The following GPALPP1 variants were observed in gnomAD, a reference collection of about 807,000 sequenced individuals.
GPALPP1 encodes the protein GPALPP motifs containing 1, also known as GPALPP motifs-containing protein 1.
In GPALPP1, 30 loss-of-function variants were observed where a neutral mutation model predicts 38.9. That is an observed-to-expected ratio of 0.77 (90% CI 0.58 to 1.05). GPALPP1 has a LOEUF of 1.05. Ranked by LOEUF, GPALPP1 falls within the 50% of genes least tolerant of loss-of-function variation. GPALPP1 has a pLI of 0.00. For missense variants in GPALPP1, 384 were observed against 408.8 expected (o/e 0.94, Z 0.52); for synonymous variants, 120 against 139.2 (o/e 0.86, Z 0.97).
chr13:45,019,749 T>G (rs1875260528), intron 6 of GPALPP1, among the ~76,000 whole-genome samples: 1 of 151,880 alleles, frequency 6.6e-6, no homozygotes, highest in Non-Finnish European at 1.5e-5. Context: ...ATCTCACCAC[T>G]GTTAAGTCAA....
intron 4 of GPALPP1, among the ~76,000 whole-genome samples, chr13:45,012,893 A>G (rs932436536): frequency 1.3e-5 from 2 of 152,186 alleles, no homozygotes; most frequent in African/African-American, 4.8e-5. Context: ...ACATTTCTTG[A>G]GCACTTACCA....
At chr13:45,022,565 C>G (rs1875506909) in intron 7 of GPALPP1, among the ~76,000 whole-genome samples, 1 of 152,068 alleles carries the variant, frequency 6.6e-6, no homozygotes, top group Non-Finnish European at 1.5e-5. Context: ...AGCTGAAATT[C>G]CAGATACTTT....
At chr13:45,007,208 G>A (rs1874163137) in intron 3 of GPALPP1, among the ~76,000 whole-genome samples, 1 of 151,752 alleles carries the variant, frequency 6.6e-6, no homozygotes, top group Non-Finnish European at 1.5e-5. Flanking sequence ...TTACTATCTA[G>A]CCCTTTATAG....
Position 45,028,312 on chromosome 13 carries a change from T to C in GPALPP1, c.*309T>C, listed in dbSNP as rs138131887. 1.8e-5 allele frequency: 3 copies of C among 164,138 alleles called. No individual in the cohort carries two copies. Among genetic ancestry groups the C allele is most frequent in the East Asian group, 3.5e-4 (2 of 5,784 alleles). The allele number at this position is 164,138 out of a possible 1,614,324, so 10.2% of individuals were successfully genotyped here. A position where few individuals can be genotyped will look rare whatever the true frequency, so the allele number is the denominator to read the frequency against. ...TACTTGAGTAAATATGCATGCTTTA[T>C]TAAAGATGAAGAAAGGCTTGCTGGT... On this transcript the variant is annotated 3_prime_UTR_variant, in exon 8 of 8. Coordinates refer to ENST00000379151, the MANE Select transcript of GPALPP1 (RefSeq NM_018559.5).
intron 7 of GPALPP1, among the ~76,000 whole-genome samples, chr13:45,022,826 A>G (rs569145783): frequency 6.6e-6 from 1 of 152,298 alleles, no homozygotes; most frequent in Non-Finnish European, 1.5e-5. Context: ...TCTGAGGCCA[A>G]GAGATAGAGA....
Position 45,029,551 on chromosome 13 carries a change from G to C in GPALPP1, c.*1548G>C, listed in dbSNP as rs1876084968. 6.6e-6 allele frequency: 1 copy of C among 152,100 alleles called. No individual in the cohort carries two copies. The highest frequency in any genetic ancestry group is 1.5e-5 in the Non-Finnish European group (1 of 68,024). The allele number at this position is 152,100 out of a possible 1,614,324, so 9.4% of individuals were successfully genotyped here. ...TCTCACAAGTACCCTCTAAGGTCTG[G>C]TCAGGACTGACCACCAAATCTCTAC... On this transcript the variant is annotated 3_prime_UTR_variant, in exon 8 of 8. Transcript: ENST00000379151.
chr13:44,989,614 G>C lies in GPALPP1; in HGVS notation c.-41G>C, dbSNP rs1478291326. ...TTCTTTTTGGATAGGGTTGACGTTC[G>C]TGGATAGACTCATATCTGTGACCAG... On this transcript the variant is annotated 5_prime_UTR_variant, in exon 1 of 8. Coordinates refer to ENST00000379151, the MANE Select transcript of GPALPP1 (RefSeq NM_018559.5). 4 of 1,554,082 alleles carry C rather than the reference G, an allele frequency of 2.6e-6. No homozygotes were observed. Among genetic ancestry groups the C allele is most frequent in the Admixed American group, 3.4e-5 (2 of 58,896 alleles).
downstream of GPALPP1, chr13:45,033,463 T>C (rs995693433): frequency 6.6e-6 from 1 of 152,234 alleles, no homozygotes; most frequent in African/African-American, 2.4e-5. Context: ...AAAAATTGCT[T>C]GTGACTGCAG....
At chr13:45,032,688 G>A (rs1290753948), downstream of GPALPP1, among the ~76,000 whole-genome samples, 2 of 150,916 alleles carry the variant, frequency 1.3e-5, no homozygotes, top group African/African-American at 4.9e-5. Flanking sequence ...TTACAGGCGT[G>A]AGCCACCGCG....
At chr13:44,989,844 G>C (rs1055133340) in intron 1 of GPALPP1, 102 bp downstream of exon 1, 12 of 863,472 alleles carry the variant, frequency 1.4e-5, no homozygotes, top group Non-Finnish European at 1.6e-5. Flanking sequence ...GCGGAGGAGT[G>C]GGGAGTGGGC....
Position 45,029,175 on chromosome 13 carries a change from G to T in GPALPP1, c.*1172G>T, listed in dbSNP as rs1452963913. 1 of 151,990 alleles carries T rather than the reference G, an allele frequency of 6.6e-6. No individual in the cohort carries two copies. Among genetic ancestry groups the T allele is most frequent in the East Asian group, 1.9e-4 (1 of 5,192 alleles). The allele number at this position is 151,990 out of a possible 1,614,324, so 9.4% of individuals were successfully genotyped here. ...ATATCAATATTCAAATGTGATTTTT[G>T]AGGAAAATATGTTAAATTTAGAAAT... On this transcript the variant is annotated 3_prime_UTR_variant, in exon 8 of 8. Transcript: ENST00000379151.
downstream of GPALPP1, chr13:45,030,806 T>C (rs1016146764): frequency 2.0e-5 from 3 of 152,202 alleles, no homozygotes; most frequent in Non-Finnish European, 4.4e-5. Context: ...CAGTACAGTA[T>C]ATTTTTTCCA....
intron 7 of GPALPP1, among the ~76,000 whole-genome samples, chr13:45,021,294 T>C (rs1423257866): frequency 1.3e-5 from 2 of 152,214 alleles, no homozygotes; most frequent in African/African-American, 4.8e-5. Flanking sequence ...GTTAGCTTGA[T>C]TTATATATGT....
chr13:45,020,685 T>C (rs564502139), intron 7 of GPALPP1, among the ~76,000 whole-genome samples: 2 of 152,224 alleles, frequency 1.3e-5, no homozygotes, highest in African/African-American at 2.4e-5. Flanking sequence ...TATAGCCTTT[T>C]TTCCCCTATC....
At chr13:44,993,465 C>T (rs929586815) in intron 1 of GPALPP1, among the ~76,000 whole-genome samples, 2 of 152,070 alleles carry the variant, frequency 1.3e-5, no homozygotes, top group African/African-American at 2.4e-5. Flanking sequence ...GGTGAAACCT[C>T]GTCTTTACTA....
intron 7 of GPALPP1, among the ~76,000 whole-genome samples, chr13:45,024,789 G>C (rs746597376): frequency 7.2e-4 from 109 of 152,036 alleles, no homozygotes; most frequent in Admixed American, 1.7e-3. Flanking sequence ...TTAGCTGAGC[G>C]TGGTGGCGGG....
chr13:44,993,782 A>G (rs1873035923), intron 1 of GPALPP1, among the ~76,000 whole-genome samples: 1 of 149,126 alleles, frequency 6.7e-6, no homozygotes, highest in Non-Finnish European at 1.5e-5. Flanking sequence ...GTTTCTCCAC[A>G]TCCTCCCAGT....
intron 1 of GPALPP1, among the ~76,000 whole-genome samples, chr13:44,997,531 G>C (rs1873378987): frequency 6.6e-6 from 1 of 151,910 alleles, no homozygotes; most frequent in South Asian, 2.1e-4. Context: ...ATTTTAAGCT[G>C]GAGTAGTGAG....
intron 7 of GPALPP1, 138 bp from the exon 8 acceptor site, chr13:45,027,646 GA>G (rs60327744): frequency 0.053 from 23,033 of 431,692 alleles, 512 homozygotes; most frequent in East Asian, 0.15. Flanking sequence ...CTTGGATTTG[GA>G]AAAAAAAAAA....
Sources: gnomAD v4.1 joint callset for allele counts (sites outside exome capture counted in the v4.1 genomes callset) on GRCh38, gnomAD v4.1.1 for gene constraint, MANE v1.5 for transcripts, NCBI Gene and HGNC (gene_info 2026-07-23, HGNC 2026-07-21) for gene names.